TAAR5: variants seen among roughly 807,000 people sequenced by gnomAD.
The protein encoded by TAAR5 is trace amine associated receptor 5, also known as trace amine-associated receptor 5.
TAAR5 carries 27 observed loss-of-function variants against 21.1 expected under a neutral mutation model. The ratio of observed to expected loss-of-function variants is 1.28; its 90% CI spans 0.94 to 1.76. The LOEUF (loss-of-function observed/expected upper bound fraction) is 1.76, where lower values mean the gene tolerates loss of function less well. TAAR5 is among the 40% of genes most tolerant of loss of function. The pLI is 0.00. For missense variants in TAAR5, 495 were observed against 405.6 expected, an observed-to-expected ratio of 1.22 and a Z score of -1.89; for synonymous variants, 203 against 167.5, an observed-to-expected ratio of 1.21 and a Z score of -1.64.
upstream of TAAR5, among the ~76,000 whole-genome samples, chr6:132,591,951 A>G (rs549130202): frequency 6.6e-6 from 1 of 152,330 alleles, no homozygotes; most frequent in East Asian, 1.9e-4. Context: ...TCTGGCATGT[A>G]GAAAGTTGAG....
At chr6:132,597,103 C>G in the TAAR5 span, among the ~76,000 whole-genome samples, 1 of 151,984 alleles carries the variant, frequency 6.6e-6, no homozygotes, top group Non-Finnish European at 1.5e-5. Context: ...GTTTGAAAAT[C>G]TAATCACTGA....
chr6:132,607,280 C>T, the TAAR5 span, among the ~76,000 whole-genome samples: 1 of 152,096 alleles, frequency 6.6e-6, no homozygotes, highest in Admixed American at 6.6e-5. Context: ...TCCTTCTCTT[C>T]TTCTCCCTCC....
the TAAR5 span, among the ~76,000 whole-genome samples, chr6:132,601,064 AGAAGGAAGGAAGGAGG>A: frequency 2.8e-5 from 1 of 36,114 alleles, no homozygotes; most frequent in Non-Finnish European, 5.1e-5. Context: ...AAGGAGGGAA[AGAAGGAAGGAAGGAGG>A]GAAGGAAGGA....
At chr6:132,614,736 C>T in the TAAR5 span, among the ~76,000 whole-genome samples, 1 of 152,274 alleles carries the variant, frequency 6.6e-6, no homozygotes, top group East Asian at 1.9e-4. Flanking sequence ...GTAGAGAACT[C>T]AGATCCAGGA....
At chr6:132,605,194 G>A in the TAAR5 span, among the ~76,000 whole-genome samples, 14 of 152,350 alleles carry the variant, frequency 9.2e-5, no homozygotes, top group Middle Eastern at 6.8e-3. Context: ...GCCTGTAAAA[G>A]GACCTAGCAT....
At position 132,589,298 on chromosome 6, in the gene TAAR5, A is replaced by C; in HGVS notation, c.389T>G (p.Ile130Ser). 1 of 1,613,254 alleles carries C rather than the reference A, an allele frequency of 6.2e-7. No homozygotes were observed. The highest frequency in any genetic ancestry group is 8.5e-7 in the Non-Finnish European group (1 of 1,179,554). The stretch of plus-strand genomic sequence containing the variant: ...GTCACAGATGGCACAGTGGCGGTCA[A>C]TGGAAATGAAACAGAGATGGAAGAT... ...TSIFHLCFIS[I>S]DRHCAICDPL... The change falls in exon 1 of 1, where the codon ATT (isoleucine) becomes AGT (serine). Residue 130 changes from isoleucine (I) to serine (S), a missense_variant. By Grantham distance (142) the Ile-to-Ser change is moderately radical (BLOSUM62 -2). Coordinates refer to ENST00000258034, the MANE Select transcript of TAAR5 (RefSeq NM_003967.3).
the TAAR5 span, among the ~76,000 whole-genome samples, chr6:132,613,563 CA>C: frequency 1.3e-5 from 2 of 152,244 alleles, no homozygotes; most frequent in East Asian, 3.9e-4. Flanking sequence ...TTTTCCTCCT[CA>C]AGTTTTAGTT....
At chr6:132,600,885 G>GA in the TAAR5 span, among the ~76,000 whole-genome samples, 3 of 125,768 alleles carry the variant, frequency 2.4e-5, no homozygotes, top group Non-Finnish European at 3.4e-5. Flanking sequence ...GGGAAGGAGG[G>GA]AAGAAGGGAA....
At chr6:132,610,091 G>A in the TAAR5 span, among the ~76,000 whole-genome samples, 2 of 152,114 alleles carry the variant, frequency 1.3e-5, no homozygotes, top group Non-Finnish European at 2.9e-5. Flanking sequence ...CACACTCACA[G>A]ACCCAGTTAC....
the TAAR5 span, among the ~76,000 whole-genome samples, chr6:132,604,285 T>C: frequency 8.6e-5 from 13 of 151,530 alleles, no homozygotes; most frequent in African/African-American, 2.9e-4. Flanking sequence ...CTGGACTACA[T>C]GAGCGTGCCA....
chr6:132,599,188 A>T, the TAAR5 span, among the ~76,000 whole-genome samples: 465 of 152,300 alleles, frequency 3.1e-3, 2 homozygotes, highest in African/African-American at 0.01. Context: ...TGGGGAAGAC[A>T]TTTCCATTAG....
At chr6:132,601,184 G>GA in the TAAR5 span, among the ~76,000 whole-genome samples, 1 of 151,800 alleles carries the variant, frequency 6.6e-6, no homozygotes, top group African/African-American at 2.4e-5. Context: ...GACAAAGAAA[G>GA]AAAAAACACA....
the TAAR5 span, among the ~76,000 whole-genome samples, chr6:132,599,707 C>G: frequency 1.3e-5 from 2 of 152,274 alleles, no homozygotes; most frequent in South Asian, 2.1e-4. Flanking sequence ...ATTATGTCCT[C>G]TGTGGATATT....
the TAAR5 span, among the ~76,000 whole-genome samples, chr6:132,599,831 A>G: frequency 6.6e-6 from 1 of 152,194 alleles, no homozygotes; most frequent in East Asian, 1.9e-4. Context: ...CTTATACTTA[A>G]TAGTATATTT....
At chr6:132,598,200 T>C in the TAAR5 span, among the ~76,000 whole-genome samples, 1 of 152,144 alleles carries the variant, frequency 6.6e-6, no homozygotes, top group Non-Finnish European at 1.5e-5. Context: ...ATCCTTACAA[T>C]AGTGGCATAG....
the TAAR5 span, among the ~76,000 whole-genome samples, chr6:132,601,051 G>A: frequency 9.8e-5 from 9 of 91,806 alleles, no homozygotes; most frequent in South Asian, 3.6e-4. Context: ...GAAGGAAGGA[G>A]GGAAGGAGGG....
At chr6:132,603,980 A>T in the TAAR5 span, among the ~76,000 whole-genome samples, 3 of 152,092 alleles carry the variant, frequency 2.0e-5, no homozygotes, top group East Asian at 5.8e-4. Flanking sequence ...TATAATCATA[A>T]GTTAAAGTTT....
chr6:132,607,372 T>C, the TAAR5 span, among the ~76,000 whole-genome samples: 1 of 152,148 alleles, frequency 6.6e-6, no homozygotes, highest in Non-Finnish European at 1.5e-5. Context: ...GAAGGTTCTA[T>C]TGACCTCTTA....
chr6:132,608,442 G>A, the TAAR5 span: 1 of 455,816 alleles, frequency 2.2e-6, no homozygotes, highest in Middle Eastern at 3.3e-4. Context: ...CTAGGTATGG[G>A]TCAATCAGAA....
Sources: allele counts gnomAD v4.1 joint callset (sites outside exome capture counted in the v4.1 genomes callset), GRCh38; gene constraint gnomAD v4.1.1; transcripts MANE v1.5; gene names NCBI Gene and HGNC (gene_info 2026-07-23, HGNC 2026-07-21).